The following HDAC7 variants were observed in gnomAD, a reference collection of about 807,000 sequenced individuals.
HDAC7 encodes the protein histone deacetylase 7A.
In HDAC7, 26 loss-of-function variants were observed where a neutral mutation model predicts 115.5. That is an observed-to-expected ratio of 0.23 (90% CI 0.16 to 0.31). The LOEUF (loss-of-function observed/expected upper bound fraction) is 0.31. HDAC7 is among the 10% of genes least tolerant of loss of function. HDAC7 has a pLI of 1.00. For missense variants in HDAC7, 1,068 were observed against 1,329.0 expected, an observed-to-expected ratio of 0.80 and a Z score of 3.05; for synonymous variants, 564 against 550.9, an observed-to-expected ratio of 1.02 and a Z score of -0.33.
In HDAC7 at chr12:47,802,208, C is replaced by G; in HGVS notation, c.70+16G>C. 1 of 1,611,570 alleles carries G rather than the reference C, an allele frequency of 6.2e-7. No homozygotes were observed. Among genetic ancestry groups the G allele is most frequent in the Middle Eastern group, 1.7e-4 (1 of 6,058 alleles). On this transcript the variant is annotated intron_variant, in intron 2 of 25. Transcript: ENST00000080059. ...TTCCACTCCCTACCATGGACTCCCC[C>G]GGGTTTGACTCTTACCTGCGCCAGT...
Position 47,793,564 on chromosome 12 carries a change from G to A in HDAC7, c.1483C>T (p.Leu495=). Reference sequence around the variant, plus strand: ...CTGCCCCGGGGGAGCCGCCCAGCCAGTCGCTGCTGTTCCCAGAGCAACACC... The same window carrying A: ...CTGCCCCGGGGGAGCCGCCCAGCCAATCGCTGCTGTTCCCAGAGCAACACC... The part of the protein sequence containing the change: ...PQVLLWEQQR[L]AGRLPRGSTG... The change falls in exon 13 of 26, where the codon CTG becomes TTG. Residue 495 remains leucine (L), a synonymous_variant. Transcript: ENST00000080059. This position sits in a 1 kb window ranked among gnomAD's most constrained non-coding sequence, Gnocchi z 4.5. 1.9e-6 allele frequency: 3 copies of A among 1,545,132 alleles called. No individual in the cohort carries two copies. Among genetic ancestry groups the A allele is most frequent in the Non-Finnish European group, 2.6e-6 (3 of 1,145,090 alleles).
At chr12:47,791,452 G>T in intron 15 of HDAC7, 134 bp downstream of exon 15, 3 of 1,399,924 alleles carry the variant, frequency 2.1e-6, no homozygotes, top group Admixed American at 4.5e-5. Flanking sequence ...CTGAGGAGGG[G>T]CTTGGCAGCA....
At chr12:47,786,803 G>A (rs1413876109) in intron 21 of HDAC7, 100 bp from the exon 22 acceptor site, 10 of 837,856 alleles carry the variant, frequency 1.2e-5, no homozygotes, top group Non-Finnish European at 1.9e-5. Flanking sequence ...AGGACTCCAA[G>A]GCTCCCAGTG....
chr12:47,797,299 C>G lies in HDAC7; in HGVS notation c.577+85G>C. ...GATGATCTCCTGGCCCAGCCCAGCC[C>G]GCCCACCCCTGCACACTCCTCCCCC... On this transcript the variant is annotated intron_variant, in intron 6 of 25. Coordinates refer to ENST00000080059, the MANE Select transcript of HDAC7 (RefSeq NM_015401.5). The surrounding 1 kb of genome is among the most constrained non-coding windows in gnomAD (Gnocchi z 5.5). 1.5e-6 allele frequency: 2 copies of G among 1,365,306 alleles called. No individual in the cohort carries two copies. The highest frequency in any genetic ancestry group is 2.4e-5 in the South Asian group (2 of 82,424). The allele number at this position is 1,365,306 out of a possible 1,614,324, so 84.6% of individuals were successfully genotyped here. A position where few individuals can be genotyped will look rare whatever the true frequency, so the allele number is the denominator to read the frequency against.
intron 19 of HDAC7, chr12:47,788,942 T>A: frequency 3.0e-6 from 1 of 327,896 alleles, no homozygotes; most frequent in African/African-American, 2.1e-5. Context: ...ATTATTCTTA[T>A]CATCACTACC....
Position 47,799,039 on chromosome 12 carries a change from T to C in HDAC7, c.71-67A>G, listed in dbSNP as rs118028551. On this transcript the variant is annotated intron_variant, in intron 2 of 25. Transcript: ENST00000080059. ...TCCTCGGGGGCATGATACAGCCTGA[T>C]CCCCCCTCAGCCTCCCTCAGGCTCA... is the stretch of plus-strand genomic sequence containing the variant. 3.1e-4 allele frequency: 359 copies of C among 1,148,426 alleles called. 3 individuals are homozygous for C. In the Admixed American group the frequency reaches 8.8e-3, roughly 28 times the overall value. The allele number at this position is 1,148,426 out of a possible 1,614,324, so 71.1% of individuals were successfully genotyped here. A position where few individuals can be genotyped will look rare whatever the true frequency, so the allele number is the denominator to read the frequency against.
In HDAC7 at chr12:47,807,639, G is replaced by GA. The variant is rs1022168263; in HGVS notation, c.20-5366dup. ...ACCTAGATGGGCATGCAGAAAGATG[G>GA]AAAAAAAAAATCACACAGCCCCACA... is the stretch of plus-strand genomic sequence containing the variant. On this transcript the variant is annotated intron_variant, in intron 1 of 25. Coordinates refer to ENST00000080059, the MANE Select transcript of HDAC7 (RefSeq NM_015401.5). 7.4e-4 allele frequency among the ~76,000 whole-genome samples: 111 copies of GA among 149,944 alleles called. 1 individual carries two copies. The East Asian group carries it at 0.012, about 17-fold the overall frequency.
At chr12:47,810,514 T>C (rs1944606171) in intron 1 of HDAC7, among the ~76,000 whole-genome samples, 1 of 152,222 alleles carries the variant, frequency 6.6e-6, no homozygotes, top group African/African-American at 2.4e-5. Context: ...GTGTGCTGTG[T>C]TCCACCCCTG....
intron 17 of HDAC7, 86 bp from the exon 18 acceptor site, chr12:47,789,664 C>G: frequency 6.6e-7 from 1 of 1,514,762 alleles, no homozygotes; most frequent in East Asian, 2.3e-5. Context: ...CAATCTCAAC[C>G]TGGTTCCCAG....
intron 1 of HDAC7, among the ~76,000 whole-genome samples, chr12:47,812,190 C>T (rs1168571446): frequency 6.6e-6 from 1 of 152,192 alleles, no homozygotes; most frequent in East Asian, 1.9e-4. Flanking sequence ...CCCTGCCTCA[C>T]TGGGAGAGGC....
Position 47,794,775 on chromosome 12 carries a change from G to C in HDAC7, c.1443C>G (p.Leu481=), listed in dbSNP as rs765700998. ...ACTGCCATACCTGAGGGTGCTGCTG[G>C]AGAGGAGCGGGGCCTCTGGCCTCAG... The part of the protein sequence containing the change: ...GQPEARGPAP[L]QQHPQVLLWE... Residue 481 remains leucine, a synonymous_variant, in exon 12 of 26, where the codon CTC becomes CTG. Transcript: ENST00000080059. 1.2e-6 allele frequency: 2 copies of C among 1,604,420 alleles called. No homozygotes were observed. Among genetic ancestry groups the C allele is most frequent in the East Asian group, 4.5e-5 (2 of 44,438 alleles).
intron 8 of HDAC7, 39 bp downstream of exon 8, chr12:47,796,168 G>C: frequency 6.3e-7 from 1 of 1,576,092 alleles, no homozygotes; most frequent in Non-Finnish European, 8.6e-7. Flanking sequence ...CTGAGCCTCA[G>C]AACTGCCCCA....
chr12:47,788,014 G>A (rs1943266447), intron 20 of HDAC7, 31 bp downstream of exon 20: 3 of 1,600,294 alleles, frequency 1.9e-6, no homozygotes, highest in African/African-American at 1.3e-5. Context: ...GGTCAATGAG[G>A]CTGGAAGATG....
At chr12:47,810,844 C>CTCTCTA (rs1944631128) in intron 1 of HDAC7, among the ~76,000 whole-genome samples, 1 of 102,164 alleles carries the variant, frequency 9.8e-6, no homozygotes, top group African/African-American at 4.6e-5. Flanking sequence ...CTCTCTCTCT[C>CTCTCTA]TCTATCTCTA....
At chr12:47,786,961 T>G (rs1000604357) in intron 21 of HDAC7, among the ~76,000 whole-genome samples, 1 of 152,126 alleles carries the variant, frequency 6.6e-6, no homozygotes, top group Non-Finnish European at 1.5e-5. Context: ...CCAGAGGGAA[T>G]GAAAGAGGAG....
At chr12:47,791,728 T>A in intron 14 of HDAC7, 22 bp from the exon 15 acceptor site, 1 of 1,612,434 alleles carries the variant, frequency 6.2e-7, no homozygotes. Context: ...ACCACAGAGC[T>A]CTGAGCTCAT....
At chr12:47,804,247 T>C (rs1318139157) in intron 1 of HDAC7, among the ~76,000 whole-genome samples, 2 of 152,174 alleles carry the variant, frequency 1.3e-5, no homozygotes, top group African/African-American at 4.8e-5. Context: ...CTGCTTCCAA[T>C]AGCAATTCCT....
rs35753431 is a variant in HDAC7 at position 47,797,895 on chromosome 12, T to TGTGTGA, written c.461+212_461+213insTCACAC. Among the ~76,000 whole-genome samples, 436 of 143,440 alleles carry TGTGTGA rather than the reference T, an allele frequency of 3.0e-3. 5 individuals carry two copies. The highest frequency in any genetic ancestry group is 0.01 in the South Asian group (46 of 4,600). The allele number at this position is 143,440 out of a possible 152,430, so 94.1% of individuals were successfully genotyped here. A position where few individuals can be genotyped will look rare whatever the true frequency, so the allele number is the denominator to read the frequency against. On this transcript the variant is annotated intron_variant, in intron 5 of 25. Transcript: ENST00000080059. This position sits in a 1 kb window ranked among gnomAD's most constrained non-coding sequence, Gnocchi z 5.5. ...GTGTGTGTGTGTGTGTGTGTGTGTG[T>TGTGTGA]GAGAAGGGCTCAGGTGGGGTGGGGA... is the stretch of plus-strand genomic sequence containing the variant.
Position 47,783,452 on chromosome 12 carries a change from CTGA to C in HDAC7, c.*386_*388del. 3.9e-6 allele frequency: 1 copy of C among 259,430 alleles called. No individual in the cohort carries two copies. Among genetic ancestry groups the C allele is most frequent in the Non-Finnish European group, 7.7e-6 (1 of 129,828 alleles). The allele number at this position is 259,430 out of a possible 1,614,324, so 16.1% of individuals were successfully genotyped here. A position where few individuals can be genotyped will look rare whatever the true frequency, so the allele number is the denominator to read the frequency against. The stretch of plus-strand genomic sequence containing the variant: ...CCAAGTTCACATTTCTGTGTGGAGC[CTGA>C]GGCTGTGTGCAAAGTCTGGGGTTTG... On this transcript the variant is annotated 3_prime_UTR_variant, in exon 26 of 26. Transcript: ENST00000080059.
Sources: allele counts gnomAD v4.1 joint callset (sites outside exome capture counted in the v4.1 genomes callset), GRCh38; gene constraint gnomAD v4.1.1; non-coding constraint Gnocchi (gnomAD v3.1); transcripts MANE v1.5; gene names NCBI Gene and HGNC (gene_info 2026-07-23, HGNC 2026-07-21).